Variants in BBS9 observed in about 807,000 individuals in gnomAD.
BBS9 encodes Bardet-Biedl syndrome 9.
Under a neutral mutation model 117.7 loss-of-function variants are expected in BBS9, and 89 were observed. The ratio of observed to expected loss-of-function variants is 0.76; its 90% CI spans 0.64 to 0.90. The LOEUF (loss-of-function observed/expected upper bound fraction) is 0.90. Ranked by LOEUF, BBS9 falls within the 40% of genes least tolerant of loss-of-function variation. BBS9 has a pLI of 0.00. For missense variants in BBS9, 982 were observed against 1,042.2 expected (o/e 0.94, Z 0.80); for synonymous variants, 379 against 370.9 (o/e 1.02, Z -0.25).
chr7:33,587,650 C>A (rs1861154626), intron 21 of BBS9, among the ~76,000 whole-genome samples: 1 of 151,994 alleles, frequency 6.6e-6, no homozygotes, highest in African/African-American at 2.4e-5. Flanking sequence ...GCAAGGGAGT[C>A]TTAGTACCAT....
At chr7:33,634,126 A>T (rs1342956809) in intron 21 of BBS9, among the ~76,000 whole-genome samples, 1 of 152,216 alleles carries the variant, frequency 6.6e-6, no homozygotes, top group African/African-American at 2.4e-5. Context: ...ATGGAGATCC[A>T]TGAGTGGAAA....
intron 7 of BBS9, among the ~76,000 whole-genome samples, chr7:33,269,046 T>G (rs2128336570): frequency 6.6e-6 from 1 of 152,376 alleles, no homozygotes; most frequent in African/African-American, 2.4e-5. Context: ...TAAGATAGTC[T>G]GATGCACCTA....
chr7:33,200,945 C>T (rs1785742357), intron 5 of BBS9, among the ~76,000 whole-genome samples: 1 of 152,164 alleles, frequency 6.6e-6, no homozygotes, highest in Admixed American at 6.5e-5. Context: ...TAAAGGCTGA[C>T]TGTAAGCTGT....
At chr7:33,401,310 A>G (rs1220749309) in intron 19 of BBS9, among the ~76,000 whole-genome samples, 1 of 152,174 alleles carries the variant, frequency 6.6e-6, no homozygotes. Flanking sequence ...TTGTGATTCA[A>G]GGTAAAAGTA....
In BBS9 at chr7:33,317,337, G is replaced by T. The variant is rs962064289; in HGVS notation, c.1017-19104G>T. 5.3e-5 allele frequency among the ~76,000 whole-genome samples: 8 copies of T among 151,004 alleles called. No individual in the cohort carries two copies. In the South Asian group the frequency reaches 6.3e-4, roughly 12 times the overall value. On this transcript the variant is annotated intron_variant, in intron 9 of 22. Transcript: ENST00000242067. ...TTTCAAGGTTGTTTTGCTATTTTGG[G>T]TTTTTTTGCATTTTTGTAGAAAGTG... is the stretch of plus-strand genomic sequence containing the variant.
At chr7:33,161,591 GTGTCTT>G in intron 4 of BBS9, among the ~76,000 whole-genome samples, 1 of 152,206 alleles carries the variant, frequency 6.6e-6, no homozygotes. Context: ...ACGTATACAT[GTGTCTT>G]TATAGTAGCA....
chr7:33,152,697 A>G lies in BBS9; in HGVS notation c.113-4A>G. On this transcript the variant is annotated splice_region_variant and splice_polypyrimidine_tract_variant and intron_variant, in intron 2 of 22. Transcript: ENST00000242067. Reference sequence around the variant, plus strand: ...CTATCTTTTTTTTTTTAAATTCTCTACAGATAAAATAATTGTGGGTAGCTT... The same window carrying G: ...CTATCTTTTTTTTTTTAAATTCTCTGCAGATAAAATAATTGTGGGTAGCTT... The G allele has an allele frequency of 6.2e-7, 1 of 1,610,170 alleles. No homozygotes were observed. The highest frequency in any genetic ancestry group is 8.5e-7 in the Non-Finnish European group (1 of 1,177,906).
chr7:33,525,067 G>A lies in BBS9; in HGVS notation c.2299-8887G>A, dbSNP rs529458588. On this transcript the variant is annotated intron_variant, in intron 20 of 22. Coordinates refer to ENST00000242067, the MANE Select transcript of BBS9 (RefSeq NM_198428.3). ...CATGTAGTTGAGCGGTTTTGAGTGAGATTCTTAATCCTGAGTTCTAGTTTG... is the reference window on the plus strand; with the variant it reads ...CATGTAGTTGAGCGGTTTTGAGTGAAATTCTTAATCCTGAGTTCTAGTTTG... Among the ~76,000 whole-genome samples the A allele has an allele frequency of 8.5e-3, 1,295 of 151,920 alleles. 60 individuals are homozygous for A. The highest frequency in any genetic ancestry group is 0.079 in the Admixed American group (1,196 of 15,224).
At chr7:33,475,162 A>G (rs893036350) in intron 19 of BBS9, among the ~76,000 whole-genome samples, 1 of 152,218 alleles carries the variant, frequency 6.6e-6, no homozygotes, top group South Asian at 2.1e-4. Flanking sequence ...TTTGCAGTCT[A>G]TCTGGTCTCT....
chr7:33,463,779 C>G (rs1839806207), intron 19 of BBS9, among the ~76,000 whole-genome samples: 1 of 152,034 alleles, frequency 6.6e-6, no homozygotes, highest in South Asian at 2.1e-4. Flanking sequence ...ATGTAAAGTT[C>G]CTACATTCAC....
At chr7:33,388,237 T>C in intron 19 of BBS9, 93 bp downstream of exon 19, 1 of 1,452,136 alleles carries the variant, frequency 6.9e-7, no homozygotes, top group Non-Finnish European at 9.6e-7. Flanking sequence ...GATAAGGTAC[T>C]CATTTCCAGT....
At chr7:33,633,615 C>T (rs1289720298) in intron 21 of BBS9, among the ~76,000 whole-genome samples, 2 of 149,456 alleles carry the variant, frequency 1.3e-5, no homozygotes, top group African/African-American at 2.5e-5. Flanking sequence ...GTGATCTTTA[C>T]GGGTTTTACT....
At chr7:33,249,972 A>G (rs1485991872) in intron 5 of BBS9, among the ~76,000 whole-genome samples, 1 of 152,112 alleles carries the variant, frequency 6.6e-6, no homozygotes, top group Non-Finnish European at 1.5e-5. Context: ...CTGTCATGAA[A>G]TCTTTCCTGG....
intron 21 of BBS9, among the ~76,000 whole-genome samples, chr7:33,550,211 TCAGTTTC>T (rs1854165170): frequency 6.6e-6 from 1 of 152,192 alleles, no homozygotes; most frequent in African/African-American, 2.4e-5. Flanking sequence ...TCTGAGAAAT[TCAGTTTC>T]CAACAATAAG....
At chr7:33,367,398 G>T (rs774041161) in intron 16 of BBS9, among the ~76,000 whole-genome samples, 2 of 151,838 alleles carry the variant, frequency 1.3e-5, no homozygotes, top group Non-Finnish European at 2.9e-5. Context: ...TTTTATCTCT[G>T]GCCAGTAGTA....
intron 17 of BBS9, among the ~76,000 whole-genome samples, chr7:33,372,309 T>C (rs752140636): frequency 2.0e-5 from 3 of 152,174 alleles, no homozygotes; most frequent in Non-Finnish European, 2.9e-5. Flanking sequence ...CCTGTTTGTA[T>C]TGAGGTACAT....
intron 1 of BBS9, among the ~76,000 whole-genome samples, chr7:33,137,973 G>T (rs1790797357): frequency 6.6e-6 from 1 of 152,202 alleles, no homozygotes; most frequent in African/African-American, 2.4e-5. Flanking sequence ...GGTCTTGTGA[G>T]GAAGAGCCAT....
intron 19 of BBS9, among the ~76,000 whole-genome samples, chr7:33,448,732 C>T (rs1303037639): frequency 6.6e-6 from 1 of 152,200 alleles, no homozygotes; most frequent in East Asian, 1.9e-4. Context: ...AGTATCAGAA[C>T]TGGTGCCAAA....
intron 19 of BBS9, among the ~76,000 whole-genome samples, chr7:33,454,209 G>A (rs1250036329): frequency 1.3e-5 from 2 of 152,180 alleles, no homozygotes; most frequent in Non-Finnish European, 2.9e-5. Flanking sequence ...TTAAATAACT[G>A]AAACCCAACT....
Sources: gnomAD v4.1 joint callset for allele counts (sites outside exome capture counted in the v4.1 genomes callset) on GRCh38, gnomAD v4.1.1 for gene constraint, MANE v1.5 for transcripts, NCBI Gene and HGNC (gene_info 2026-07-23, HGNC 2026-07-21) for gene names.